FAT1: variants seen among roughly 807,000 people sequenced by gnomAD.
FAT1 encodes the protein FAT atypical cadherin 1, also known as protocadherin Fat 1.
In FAT1, 171 loss-of-function variants were observed where a neutral mutation model predicts 329.8. That is an observed-to-expected ratio of 0.52 (90% CI 0.46 to 0.59). FAT1 has a LOEUF of 0.59. Ranked by LOEUF, FAT1 falls within the 20% of genes least tolerant of loss-of-function variation. FAT1 has a pLI of 0.00. For missense variants in FAT1, 5,672 were observed against 5,774.4 expected, an observed-to-expected ratio of 0.98 and a Z score of 0.57; for synonymous variants, 2,233 against 2,228.6, an observed-to-expected ratio of 1.00 and a Z score of -0.06.
intron 1 of FAT1, among the ~76,000 whole-genome samples, chr4:186,722,238 A>C (rs1745500865): frequency 6.6e-6 from 1 of 152,226 alleles, no homozygotes; most frequent in African/African-American, 2.4e-5. Context: ...AAAAGAGACA[A>C]ATGAATATAC....
intron 2 of FAT1, among the ~76,000 whole-genome samples, chr4:186,681,788 C>A (rs1383444022): frequency 6.6e-6 from 1 of 152,154 alleles, no homozygotes; most frequent in South Asian, 2.1e-4. Context: ...TTTTATAAAA[C>A]GTTTCAAAGT....
At position 186,617,697 on chromosome 4, in the gene FAT1, A is replaced by G. The variant is rs745951276; in HGVS notation, c.8878+11T>C. On this transcript the variant is annotated intron_variant, in intron 10 of 26. Coordinates refer to ENST00000441802, the MANE Select transcript of FAT1 (RefSeq NM_005245.4). ...AAATTAATTAAACCGTTTGGTATGA[A>G]TTTTTTTTACCTGTTATGAAATATG... The G allele has an allele frequency of 6.5e-7, 1 of 1,536,608 alleles. No individual in the cohort carries two copies.
intron 6 of FAT1, 36 bp downstream of exon 6, chr4:186,635,989 C>A (rs1412882094): frequency 1.9e-6 from 3 of 1,582,516 alleles, no homozygotes; most frequent in South Asian, 2.2e-5. Context: ...CTCAGTGTAA[C>A]CCATACGGAC....
chr4:186,604,952 C>G (rs564554793), intron 17 of FAT1, among the ~76,000 whole-genome samples: 2 of 151,942 alleles, frequency 1.3e-5, no homozygotes, highest in African/African-American at 2.4e-5. Context: ...GGCGCGGTGG[C>G]TCACGCCTGT....
chr4:186,600,713 AAC>A (rs1311914581), intron 21 of FAT1, among the ~76,000 whole-genome samples: 1 of 152,194 alleles, frequency 6.6e-6, no homozygotes, highest in African/African-American at 2.4e-5. Flanking sequence ...TATAAACTGT[AAC>A]AGTTTTTGTT....
At chr4:186,617,231 C>A in intron 10 of FAT1, 30 bp from the exon 11 acceptor site, 1 of 1,450,818 alleles carries the variant, frequency 6.9e-7, no homozygotes, top group Non-Finnish European at 9.3e-7. Flanking sequence ...AGATAATAAT[C>A]AAATTTGTTG....
intron 6 of FAT1, among the ~76,000 whole-genome samples, chr4:186,635,033 G>C (rs909815195): frequency 2.6e-5 from 4 of 152,240 alleles, no homozygotes; most frequent in Non-Finnish European, 4.4e-5. Context: ...AAAGTATGCT[G>C]TAAGGGTTTC....
intron 1 of FAT1, among the ~76,000 whole-genome samples, chr4:186,717,712 C>T (rs564527085): frequency 7.2e-5 from 11 of 152,272 alleles, no homozygotes; most frequent in African/African-American, 2.2e-4. Context: ...GTTGGCATTA[C>T]GAAGATGACG....
rs946017212 is a variant in FAT1 at position 186,707,916 on chromosome 4, C to T, written c.1912G>A (p.Val638Met). 11 of 1,613,968 alleles carry T rather than the reference C, an allele frequency of 6.8e-6. No individual in the cohort carries two copies. The highest frequency in any genetic ancestry group is 7.6e-6 in the Non-Finnish European group (9 of 1,179,894). ...RSLMDGLGAKVSFHSLRITAT... is the reference protein window; with the variant it reads ...RSLMDGLGAKMSFHSLRITAT... ...GTGATTCTCAGACTGTGGAAAGACACCTTTGCACCTAAGCCATCCATTAGC... is the reference window on the plus strand; with the variant it reads ...GTGATTCTCAGACTGTGGAAAGACATCTTTGCACCTAAGCCATCCATTAGC... The change falls in exon 2 of 27, where the codon GTG (valine) becomes ATG (methionine). Residue 638 changes from valine (V) to methionine (M), a missense_variant. Physicochemically the swap from Val to Met is conservative, Grantham distance 21 (BLOSUM62 1). This residue lies in a region of FAT1 where 3,966 missense variants were observed against 3,915.2 expected (regional missense o/e 1.01). Transcript: ENST00000441802.
intron 26 of FAT1, among the ~76,000 whole-genome samples, chr4:186,591,443 G>C (rs1377733726): frequency 6.6e-6 from 1 of 152,150 alleles, no homozygotes; most frequent in African/African-American, 2.4e-5. Context: ...TTTAAGTCTA[G>C]TAACAAAAGC....
intron 2 of FAT1, among the ~76,000 whole-genome samples, chr4:186,684,257 C>T (rs1206241090): frequency 6.6e-6 from 1 of 152,130 alleles, no homozygotes; most frequent in Non-Finnish European, 1.5e-5. Flanking sequence ...GTTGTTTAAT[C>T]GTCTCATCTA....
intron 4 of FAT1, 35 bp from the exon 5 acceptor site, chr4:186,636,949 G>A (rs768429628): frequency 8.5e-6 from 13 of 1,521,786 alleles, no homozygotes; most frequent in Non-Finnish European, 9.8e-6. Flanking sequence ...AACATGTTAA[G>A]ATATACTATA....
In FAT1 at chr4:186,618,418, T is replaced by C. The variant is rs2126494934; in HGVS notation, c.8168A>G (p.Asp2723Gly). ...SEDVPIGTEI[D>G]LIRAEHSGTV... ...CCCACTATGTTCTGCTCGGATGAGA[T>C]CTATCTCTGTTCCAATAGGCACGTC... is the stretch of plus-strand genomic sequence containing the variant. The change falls in exon 10 of 27, where the codon GAT (aspartate) becomes GGT (glycine). Residue 2723 changes from aspartate (D) to glycine (G), a missense_variant. Physicochemically the swap from Asp to Gly is moderately conservative, Grantham distance 94. Transcript: ENST00000441802. The C allele has an allele frequency of 7.4e-6, 12 of 1,614,062 alleles. No individual in the cohort carries two copies. The highest frequency in any genetic ancestry group is 1.0e-5 in the Non-Finnish European group (12 of 1,179,900).
At chr4:186,675,423 C>A (rs184325166) in intron 2 of FAT1, among the ~76,000 whole-genome samples, 1 of 151,786 alleles carries the variant, frequency 6.6e-6, no homozygotes, top group Non-Finnish European at 1.5e-5. Flanking sequence ...GTTGAGATTG[C>A]GCCACCGCAC....
intron 1 of FAT1, among the ~76,000 whole-genome samples, chr4:186,714,206 C>T (rs529697228): frequency 2.6e-5 from 4 of 151,922 alleles, no homozygotes; most frequent in East Asian, 1.9e-4. Context: ...AGGTGGAGCG[C>T]GTGTGGGCTG....
Position 186,596,086 on chromosome 4 carries a change from A to C in FAT1, c.13001-260T>G, listed in dbSNP as rs915706406. 6.6e-6 allele frequency among the ~76,000 whole-genome samples: 1 copy of C among 152,214 alleles called. No homozygotes were observed. The highest frequency in any genetic ancestry group is 1.5e-5 in the Non-Finnish European group (1 of 68,026). ...AGCATGCCTATGGGTATCATTAGAC[A>C]GTAAAGGCTGCTAAAATTTTGTTTT... On this transcript the variant is annotated intron_variant, in intron 25 of 26. Transcript: ENST00000441802. The surrounding 1 kb of genome is among the most constrained non-coding windows in gnomAD (Gnocchi z 4.7).
In FAT1 at chr4:186,609,298, C is replaced by T; in HGVS notation, c.10091G>A (p.Gly3364Glu). 1 of 1,614,004 alleles carries T rather than the reference C, an allele frequency of 6.2e-7. No individual in the cohort carries two copies. The highest frequency in any genetic ancestry group is 8.5e-7 in the Non-Finnish European group (1 of 1,179,876). Residue 3364 changes from glycine to glutamate, a missense_variant, in exon 16 of 27, where the codon GGA becomes GAA. Gly to Glu is a moderately conservative substitution (Grantham distance 98). This residue lies in a region of FAT1 where 1,706 missense variants were observed against 1,859.1 expected (regional missense o/e 0.92). Transcript: ENST00000441802. ...VITVMADDAD[G>E]PSNSHIHYSI... ...GTAGTGGATGTGGCTGTTGGAAGGTCCATCGGCATCATCGGCCATAACCTA... is the reference window on the plus strand; with the variant it reads ...GTAGTGGATGTGGCTGTTGGAAGGTTCATCGGCATCATCGGCCATAACCTA...
At chr4:186,664,908 G>C (rs1197477229) in intron 2 of FAT1, among the ~76,000 whole-genome samples, 2 of 152,150 alleles carry the variant, frequency 1.3e-5, no homozygotes, top group East Asian at 3.8e-4. Context: ...CCTATGCTCA[G>C]CAATGAAACA....
Position 186,619,874 on chromosome 4 carries a change from C to T in FAT1, c.6712G>A (p.Val2238Ile), listed in dbSNP as rs1739942965. The T allele has an allele frequency of 1.2e-6, 2 of 1,613,870 alleles. No homozygotes were observed. The highest frequency in any genetic ancestry group is 3.3e-5 in the Admixed American group (2 of 60,004). ...TINFNTGVIN[V>I]IAPLDFEAHP... ...GCCTCAAAGTCCAGAGGAGCTATGA[C>T]ATTGATAACTCCAGTATTGAAGTTA... is the stretch of plus-strand genomic sequence containing the variant. The change falls in exon 10 of 27, where the codon GTC becomes ATC. Residue 2238 changes from valine to isoleucine, a missense_variant. By Grantham distance (29) the Val-to-Ile change is conservative. Transcript: ENST00000441802.
Sources: gnomAD v4.1 joint callset for allele counts (sites outside exome capture counted in the v4.1 genomes callset) on GRCh38, gnomAD v4.1.1 for gene constraint, gnomAD v4.1.1 regional missense constraint, Gnocchi (gnomAD v3.1) non-coding constraint, MANE v1.5 for transcripts, NCBI Gene and HGNC (gene_info 2026-07-23, HGNC 2026-07-21) for gene names.